The following AMBRA1 variants were observed in gnomAD, a reference collection of about 807,000 sequenced individuals.
The protein encoded by AMBRA1 is activating molecule in BECN1-regulated autophagy protein 1.
In AMBRA1, 47 loss-of-function variants were observed where a neutral mutation model predicts 125.4. That is an observed-to-expected ratio of 0.37 (90% confidence interval 0.30 to 0.48). The LOEUF (loss-of-function observed/expected upper bound fraction) is 0.48, where lower values mean the gene tolerates loss of function less well. AMBRA1 is among the 20% of genes least tolerant of loss of function. The pLI, the probability that AMBRA1 is intolerant of heterozygous loss-of-function variation, is 0.99. For missense variants in AMBRA1, 1,331 were observed against 1,693.4 expected, an observed-to-expected ratio of 0.79 and a Z score of 3.76; for synonymous variants, 626 against 655.5, an observed-to-expected ratio of 0.95 and a Z score of 0.69.
At position 46,542,881 on chromosome 11, in the gene AMBRA1, G is replaced by C; in HGVS notation, c.1136C>G (p.Ala379Gly). Residue 379 changes from alanine (A) to glycine (G), a missense_variant, in exon 7 of 18, where the codon GCC becomes GGC. Physicochemically the swap from Ala to Gly is moderately conservative, Grantham distance 60 (BLOSUM62 0). Around this residue, in one of 4 missense-constraint regions of AMBRA1, gnomAD observed 689 missense variants for 776.5 expected, o/e 0.89. Transcript: ENST00000683756. This position sits in a 1 kb window ranked among gnomAD's most constrained non-coding sequence, Gnocchi z 5.9. ...SAFSTVQSST[A>G]GNTLRNLSLG... ...ACTGAGGTTGCGGAGCGTGTTGCCG[G>C]CAGTGCTGCTCTGGACTGTACTGAA... 6.2e-7 allele frequency: 1 copy of C among 1,613,068 alleles called. No individual in the cohort carries two copies. The highest frequency in any genetic ancestry group is 8.5e-7 in the Non-Finnish European group (1 of 1,179,960).
chr11:46,432,299 A>G lies in AMBRA1; in HGVS notation c.2976+1175T>C, dbSNP rs78063664. Among the ~76,000 whole-genome samples, 1,284 of 152,332 alleles carry G rather than the reference A, an allele frequency of 8.4e-3. 9 individuals carry two copies. The highest frequency in any genetic ancestry group is 0.03 in the African/African-American group (1,239 of 41,582). ...AATTCTATTAAGATGGATGCCACAG[A>G]AAGTAAAAAGCTTGCAGGTAGCTGG... On this transcript the variant is annotated intron_variant, in intron 14 of 17. Coordinates refer to ENST00000683756, the MANE Select transcript of AMBRA1 (RefSeq NM_001387011.1).
intron 17 of AMBRA1, among the ~76,000 whole-genome samples, chr11:46,398,350 C>T (rs1259339620): frequency 5.3e-5 from 8 of 152,228 alleles, no homozygotes; most frequent in Non-Finnish European, 1.2e-4. Flanking sequence ...GCCACCCTTT[C>T]TCTGCAAAGA....
chr11:46,424,991 C>T (rs1947049686), intron 14 of AMBRA1, among the ~76,000 whole-genome samples: 1 of 151,878 alleles, frequency 6.6e-6, no homozygotes. Context: ...AAAAATTAGC[C>T]AGGCTGGTGG....
intron 14 of AMBRA1, among the ~76,000 whole-genome samples, chr11:46,426,674 T>G (rs1947151851): frequency 1.3e-5 from 2 of 152,214 alleles, no homozygotes; most frequent in African/African-American, 4.8e-5. Context: ...CTTCCCCCTT[T>G]TCCTACAATG....
intron 17 of AMBRA1, 52 bp downstream of exon 17, chr11:46,408,459 TCA>T: frequency 7.1e-7 from 1 of 1,409,778 alleles, no homozygotes; most frequent in Non-Finnish European, 9.3e-7. Context: ...GAAGTGGCAC[TCA>T]CTCGGTCTTA....
chr11:46,496,833 T>C (rs1221283126), intron 9 of AMBRA1, among the ~76,000 whole-genome samples: 1 of 148,218 alleles, frequency 6.7e-6, no homozygotes, highest in Non-Finnish European at 1.5e-5. Context: ...GGAAGGGGGC[T>C]GGGTGTGGTG....
At chr11:46,454,873 C>A (rs889937141) in intron 11 of AMBRA1, among the ~76,000 whole-genome samples, 1 of 134,442 alleles carries the variant, frequency 7.4e-6, no homozygotes, top group Non-Finnish European at 1.6e-5. Context: ...CTGGTATTAG[C>A]TTTTTTTTTT....
At chr11:46,469,938 C>T (rs1203899534) in intron 11 of AMBRA1, among the ~76,000 whole-genome samples, 1 of 151,722 alleles carries the variant, frequency 6.6e-6, no homozygotes, top group African/African-American at 2.4e-5. Context: ...TTGGCTTCCC[C>T]AAGTGCTGGC....
At chr11:46,454,940 C>T (rs2136808594) in intron 11 of AMBRA1, among the ~76,000 whole-genome samples, 1 of 145,704 alleles carries the variant, frequency 6.9e-6, no homozygotes, top group East Asian at 2.0e-4. Flanking sequence ...AGTGCAGTGG[C>T]ATGACCACAT....
At chr11:46,421,205 C>G (rs892715915) in intron 14 of AMBRA1, among the ~76,000 whole-genome samples, 2 of 152,104 alleles carry the variant, frequency 1.3e-5, no homozygotes, top group African/African-American at 4.8e-5. Flanking sequence ...TGTTGAGACC[C>G]CCGGGTTGTT....
chr11:46,416,754 A>G (rs1185944592), intron 15 of AMBRA1, among the ~76,000 whole-genome samples: 2 of 152,246 alleles, frequency 1.3e-5, no homozygotes, highest in African/African-American at 4.8e-5. Context: ...GGAGGTCAAC[A>G]TGAGGACAGC....
At chr11:46,494,455 C>T (rs1950564934) in intron 9 of AMBRA1, 3 of 398,420 alleles carry the variant, frequency 7.5e-6, no homozygotes, top group Non-Finnish European at 1.4e-5. Context: ...TTAATGTGGT[C>T]CCTTAGCGTC....
chr11:46,466,251 G>A (rs1949317810), intron 11 of AMBRA1, among the ~76,000 whole-genome samples: 1 of 152,144 alleles, frequency 6.6e-6, no homozygotes, highest in Non-Finnish European at 1.5e-5. Context: ...GGAGGCTAAG[G>A]CAGGAGAATC....
chr11:46,508,052 A>C (rs967843447), intron 9 of AMBRA1, 139 bp downstream of exon 9: 1 of 912,186 alleles, frequency 1.1e-6, no homozygotes, highest in African/African-American at 1.7e-5. Flanking sequence ...TCTGTCCCTC[A>C]CCCCATCCTG....
At position 46,471,395 on chromosome 11, in the gene AMBRA1, G is replaced by A. The variant is rs1490225976; in HGVS notation, c.2521+22213C>T. Among the ~76,000 whole-genome samples, 5 of 151,858 alleles carry A rather than the reference G, an allele frequency of 3.3e-5. No homozygotes were observed. The South Asian group carries it at 8.3e-4, about 25-fold the overall frequency. Reference sequence around the variant, plus strand: ...AGATCGAGACCACCCTAGCTAACACGGTGAAACCCCATCTCTACTAAAAAT... The same window carrying A: ...AGATCGAGACCACCCTAGCTAACACAGTGAAACCCCATCTCTACTAAAAAT... On this transcript the variant is annotated intron_variant, in intron 11 of 17. Transcript: ENST00000683756.
chr11:46,504,686 C>T (rs941443079), intron 9 of AMBRA1: 27 of 152,206 alleles, frequency 1.8e-4, no homozygotes, highest in African/African-American at 6.3e-4. Flanking sequence ...CACAAAAGAA[C>T]AGAAAATTTA....
chr11:46,546,977 A>G lies in AMBRA1; in HGVS notation c.378+136T>C, dbSNP rs554262990. On this transcript the variant is annotated intron_variant, in intron 4 of 17. Coordinates refer to ENST00000683756, the MANE Select transcript of AMBRA1 (RefSeq NM_001387011.1). The stretch of plus-strand genomic sequence containing the variant: ...TCCCAGCTACTTGGGAGGCTGAAGC[A>G]GAAGTATCACTTGAACCTGGGAGAC... 4 of 768,156 alleles carry G rather than the reference A, an allele frequency of 5.2e-6. No homozygotes were observed. In the East Asian group the frequency reaches 1.1e-4, roughly 21 times the overall value. The allele number at this position is 768,156 out of a possible 1,614,324, so 47.6% of individuals were successfully genotyped here. A position where few individuals can be genotyped will look rare whatever the true frequency, so the allele number is the denominator to read the frequency against.
chr11:46,555,693 A>G (rs186346503), intron 1 of AMBRA1, among the ~76,000 whole-genome samples: 1 of 152,372 alleles, frequency 6.6e-6, no homozygotes, highest in East Asian at 1.9e-4. Context: ...TGTGGCAAAA[A>G]TAATTCATTG....
At chr11:46,581,942 C>A (rs1040546576) in intron 1 of AMBRA1, among the ~76,000 whole-genome samples, 1 of 151,764 alleles carries the variant, frequency 6.6e-6, no homozygotes, top group African/African-American at 2.4e-5. Context: ...CATAGTGAGG[C>A]TTTGTCTCTA....
Sources: allele counts gnomAD v4.1 joint callset (sites outside exome capture counted in the v4.1 genomes callset), GRCh38; gene constraint gnomAD v4.1.1; regional missense constraint gnomAD v4.1.1; non-coding constraint Gnocchi (gnomAD v3.1); transcripts MANE v1.5; gene names NCBI Gene and HGNC (gene_info 2026-07-23, HGNC 2026-07-21).